The following ARHGAP8 variants were observed in gnomAD, a reference collection of about 807,000 sequenced individuals.
ARHGAP8 encodes Rho GTPase activating protein 8.
In ARHGAP8, 62 loss-of-function variants were observed where a neutral mutation model predicts 46.1. That is an observed-to-expected ratio of 1.34 (90% CI 1.10 to 1.66). The LOEUF (loss-of-function observed/expected upper bound fraction) is 1.66. Ranked by LOEUF, ARHGAP8 falls within the 40% of genes most tolerant of loss-of-function variation. The pLI, the probability that ARHGAP8 is intolerant of heterozygous loss-of-function variation, is 0.00. For missense variants in ARHGAP8, 923 were observed against 568.4 expected (o/e 1.62, Z -6.34); for synonymous variants, 375 against 243.1 (o/e 1.54, Z -5.05).
chr22:44,816,980 G>A (rs1043367235), intron 5 of ARHGAP8, among the ~76,000 whole-genome samples: 3 of 151,182 alleles, frequency 2.0e-5, no homozygotes, highest in African/African-American at 7.3e-5. Context: ...CTGCCTCCTG[G>A]GTTCAAGCGA....
At chr22:44,861,392 G>C (rs556953336) in intron 11 of ARHGAP8, among the ~76,000 whole-genome samples, 28 of 152,212 alleles carry the variant, frequency 1.8e-4, no homozygotes, top group Non-Finnish European at 3.5e-4. Context: ...GGCACCTGGG[G>C]GCCTCGGCTT....
At chr22:44,856,049 C>T (rs566755591) in intron 10 of ARHGAP8, among the ~76,000 whole-genome samples, 5 of 152,042 alleles carry the variant, frequency 3.3e-5, no homozygotes, top group South Asian at 4.1e-4. Context: ...AACCAGATCT[C>T]TTGAGAAATC....
Position 44,805,834 on chromosome 22 carries a change from TG to T in ARHGAP8, c.168-2471del, listed in dbSNP as rs568058065. Among the ~76,000 whole-genome samples the T allele has an allele frequency of 1.9e-4, 29 of 152,350 alleles. No individual in the cohort carries two copies. The East Asian group carries it at 5.6e-3, about 29-fold the overall frequency. On this transcript the variant is annotated intron_variant, in intron 3 of 11. Transcript: ENST00000356099. ...CCATTCCAACCGGATGGCTTTCTTG[TG>T]GCCAGATGCATGCTCCTATTTTTGA...
At chr22:44,845,222 C>G (rs199643886) in intron 7 of ARHGAP8, 47 bp from the exon 8 acceptor site, 24 of 1,610,878 alleles carry the variant, frequency 1.5e-5, no homozygotes, top group Admixed American at 1.2e-4. Context: ...TTGTGATCAC[C>G]CATCAAGCTC....
chr22:44,854,115 C>G (rs1301493995), intron 10 of ARHGAP8, among the ~76,000 whole-genome samples: 2 of 146,460 alleles, frequency 1.4e-5, no homozygotes, highest in African/African-American at 5.1e-5. Flanking sequence ...CCTCTCTTCT[C>G]AAGGTTCTCA....
At chr22:44,755,440 C>T (rs1924590776) in intron 1 of ARHGAP8, among the ~76,000 whole-genome samples, 1 of 152,238 alleles carries the variant, frequency 6.6e-6, no homozygotes, top group Non-Finnish European at 1.5e-5. Flanking sequence ...AACTTTTACC[C>T]CTTGGTCCTT....
chr22:44,812,151 T>A (rs1048377919), intron 4 of ARHGAP8, among the ~76,000 whole-genome samples: 1 of 152,156 alleles, frequency 6.6e-6, no homozygotes, highest in African/African-American at 2.4e-5. Context: ...GTGAACAAAT[T>A]CGCACGCAAG....
intron 1 of ARHGAP8, among the ~76,000 whole-genome samples, chr22:44,763,875 A>G (rs1741346220): frequency 6.7e-6 from 1 of 150,054 alleles, no homozygotes; most frequent in Non-Finnish European, 1.5e-5. Flanking sequence ...CAGTGGCACA[A>G]TCTCGGCTTA....
At position 44,859,858 on chromosome 22, in the gene ARHGAP8, G is replaced by C. The variant is rs187673347; in HGVS notation, c.981+24G>C. 1.1e-5 allele frequency: 18 copies of C among 1,609,754 alleles called. No individual in the cohort carries two copies. In the African/African-American group the frequency reaches 2.3e-4, roughly 20 times the overall value. ...CGGTGAGTGGGGAAGGGGGGAGCTT[G>C]GGGTGAAGCCCAGTGGCCTTCCCTC... On this transcript the variant is annotated intron_variant, in intron 11 of 11. Coordinates refer to ENST00000356099, the MANE Select transcript of ARHGAP8 (RefSeq NM_181335.3).
intron 2 of ARHGAP8, among the ~76,000 whole-genome samples, chr22:44,791,013 G>A (rs12166843): frequency 0.03 from 4,519 of 152,116 alleles, 126 homozygotes; most frequent in African/African-American, 0.071. Context: ...GATTACAGGC[G>A]TGAGCCACCG....
intron 7 of ARHGAP8, among the ~76,000 whole-genome samples, chr22:44,841,878 C>T (rs1050742552): frequency 2.0e-5 from 3 of 152,162 alleles, no homozygotes; most frequent in Non-Finnish European, 4.4e-5. Context: ...TGACTGCCCT[C>T]CAGGAAATGA....
chr22:44,862,476 T>TGGGAACAG lies in ARHGAP8; in HGVS notation c.1188_1195dup (p.Ser399AsnfsTer31). 1.2e-6 allele frequency: 2 copies of TGGGAACAG among 1,613,860 alleles called. No homozygotes were observed. The highest frequency in any genetic ancestry group is 1.7e-6 in the Non-Finnish European group (2 of 1,179,884). Reference sequence around the variant, plus strand: ...ACCTGGGGAGCACGGCCTGGCACCATGGGAACAGGGGAGCAGGGCAGCCCC... The same window carrying TGGGAACAG: ...ACCTGGGGAGCACGGCCTGGCACCATGGGAACAGGGGAACAGGGGAGCAGGGCAGCCCC... On this transcript the variant is annotated frameshift_variant, in exon 12 of 12. Transcript: ENST00000356099. LOFTEE classifies it low-confidence loss of function (END_TRUNC).
At position 44,848,964 on chromosome 22, in the gene ARHGAP8, A is replaced by G. The variant is rs781778624; in HGVS notation, c.781A>G (p.Ile261Val). ...CGTGAACTTTGACGACTACGGGGACATTCACATCCCTGCCGTGATCCTGAA... is the reference window on the plus strand; with the variant it reads ...CGTGAACTTTGACGACTACGGGGACGTTCACATCCCTGCCGTGATCCTGAA... Reference protein sequence around the residue: ...KPVNFDDYGDIHIPAVILKTF... With the variant: ...KPVNFDDYGDVHIPAVILKTF... Residue 261 changes from isoleucine to valine, a missense_variant, in exon 10 of 12, where the codon ATT (isoleucine) becomes GTT (valine). By Grantham distance (29) the Ile-to-Val change is conservative. Coordinates refer to ENST00000356099, the MANE Select transcript of ARHGAP8 (RefSeq NM_181335.3). The G allele has an allele frequency of 6.2e-7, 1 of 1,614,070 alleles. No individual in the cohort carries two copies. Among genetic ancestry groups the G allele is most frequent in the African/African-American group, 1.3e-5 (1 of 75,030 alleles).
At chr22:44,820,834 C>G (rs1930076019) in intron 5 of ARHGAP8, among the ~76,000 whole-genome samples, 1 of 152,158 alleles carries the variant, frequency 6.6e-6, no homozygotes, top group South Asian at 2.1e-4. Flanking sequence ...TCCCTCGGGG[C>G]TCCTTTAGGA....
intron 3 of ARHGAP8, among the ~76,000 whole-genome samples, chr22:44,805,161 C>T (rs747032321): frequency 5.9e-5 from 9 of 152,302 alleles, no homozygotes; most frequent in East Asian, 3.9e-4. Flanking sequence ...CATTTAGGCA[C>T]GGAAAGACCT....
intron 10 of ARHGAP8, among the ~76,000 whole-genome samples, chr22:44,858,874 T>G (rs2070328420): frequency 6.6e-6 from 1 of 151,424 alleles, no homozygotes; most frequent in South Asian, 2.1e-4. Context: ...GTTGCAAACT[T>G]TTTCTGTAAA....
At chr22:44,821,287 A>G (rs1354744943) in intron 5 of ARHGAP8, among the ~76,000 whole-genome samples, 9 of 152,180 alleles carry the variant, frequency 5.9e-5, no homozygotes, top group South Asian at 2.1e-4. Context: ...AAAATTAGCC[A>G]GGCGTGGTGG....
chr22:44,809,299 A>G (rs573835969), intron 4 of ARHGAP8: 3 of 431,258 alleles, frequency 7.0e-6, no homozygotes, highest in African/African-American at 6.2e-5. Flanking sequence ...TCAACCACTT[A>G]AAAACATAAA....
chr22:44,823,120 CA>C (rs1930272014), intron 6 of ARHGAP8, among the ~76,000 whole-genome samples: 1 of 152,202 alleles, frequency 6.6e-6, no homozygotes, highest in South Asian at 2.1e-4. Flanking sequence ...GGTAGCCTTG[CA>C]GGGGTAATGG....
Sources: allele counts gnomAD v4.1 joint callset (sites outside exome capture counted in the v4.1 genomes callset), GRCh38; gene constraint gnomAD v4.1.1; transcripts MANE v1.5; gene names NCBI Gene and HGNC (gene_info 2026-07-23, HGNC 2026-07-21).